GRIK4: variants seen among roughly 807,000 people sequenced by gnomAD.
GRIK4 encodes glutamate ionotropic receptor kainate type subunit 4.
GRIK4 carries 40 observed loss-of-function variants against 104.9 expected under a neutral mutation model. The ratio of observed to expected loss-of-function variants is 0.38; its 90% CI spans 0.30 to 0.50. GRIK4 has a LOEUF of 0.50. Among genes scored for constraint, GRIK4 ranks in the 20% least tolerant of loss-of-function variants. GRIK4 has a pLI of 0.93. For missense variants in GRIK4, 1,047 were observed against 1,308.1 expected, an observed-to-expected ratio of 0.80 and a Z score of 3.08; for synonymous variants, 485 against 524.9, an observed-to-expected ratio of 0.92 and a Z score of 1.04.
chr11:120,576,728 G>A (rs1240972265), intron 1 of GRIK4, among the ~76,000 whole-genome samples: 8 of 152,330 alleles, frequency 5.3e-5, no homozygotes, highest in Non-Finnish European at 1.2e-4. Flanking sequence ...GGGCCCAAGA[G>A]GTAACAAGGC....
intron 19 of GRIK4, among the ~76,000 whole-genome samples, chr11:120,969,363 G>A (rs953110578): frequency 5.3e-5 from 8 of 152,150 alleles, no homozygotes; most frequent in Non-Finnish European, 8.8e-5. Context: ...TGAATAGGTC[G>A]ACACCGTGGG....
intron 3 of GRIK4, among the ~76,000 whole-genome samples, chr11:120,795,412 C>T (rs1305739682): frequency 6.6e-6 from 1 of 152,198 alleles, no homozygotes; most frequent in East Asian, 1.9e-4. Context: ...ATCCCTGTGT[C>T]GTGGGGCTGC....
At chr11:120,760,824 A>G (rs1399429231) in intron 3 of GRIK4, among the ~76,000 whole-genome samples, 2 of 148,222 alleles carry the variant, frequency 1.3e-5, no homozygotes, top group South Asian at 2.1e-4. Context: ...TATGTGCCAC[A>G]TTTTTTTTTT....
chr11:120,528,633 G>T (rs771517975), intron 1 of GRIK4, among the ~76,000 whole-genome samples: 1 of 152,192 alleles, frequency 6.6e-6, no homozygotes, highest in Non-Finnish European at 1.5e-5. Flanking sequence ...ACAGTTCCAC[G>T]TGGCTGGGGA....
At chr11:120,648,621 C>G (rs902221531) in intron 1 of GRIK4, among the ~76,000 whole-genome samples, 3 of 152,072 alleles carry the variant, frequency 2.0e-5, no homozygotes. Context: ...AGAGAGGCCA[C>G]CAGAGACCTA....
At chr11:120,946,765 T>A (rs943689595) in intron 14 of GRIK4, among the ~76,000 whole-genome samples, 2 of 152,196 alleles carry the variant, frequency 1.3e-5, no homozygotes, top group African/African-American at 4.8e-5. Flanking sequence ...GCAGGGGGCA[T>A]TGAAACCAGG....
intron 16 of GRIK4, among the ~76,000 whole-genome samples, chr11:120,957,588 CAA>C (rs1190940888): frequency 1.6e-4 from 6 of 36,622 alleles, no homozygotes; most frequent in South Asian, 7.6e-4. Flanking sequence ...AAAGACAAAA[CAA>C]ATGTGTGTGT....
intron 2 of GRIK4, among the ~76,000 whole-genome samples, chr11:120,656,977 T>C (rs1949720829): frequency 6.6e-6 from 1 of 152,232 alleles, no homozygotes; most frequent in Non-Finnish European, 1.5e-5. Flanking sequence ...CAGGGTAATC[T>C]GACACCTATT....
chr11:120,871,888 T>C (rs1565406146), intron 9 of GRIK4: 1 of 456,274 alleles, frequency 2.2e-6, no homozygotes. Context: ...AGACAAACTT[T>C]GTTGACTGTT....
chr11:120,662,708 G>A (rs143665162), intron 3 of GRIK4, among the ~76,000 whole-genome samples: 413 of 152,224 alleles, frequency 2.7e-3, no homozygotes, highest in African/African-American at 9.2e-3. Flanking sequence ...GCCTTCCCAG[G>A]GGTCACTTTT....
chr11:120,832,582 T>TGGGG (rs1182041934), intron 7 of GRIK4, among the ~76,000 whole-genome samples: 1 of 152,138 alleles, frequency 6.6e-6, no homozygotes, highest in African/African-American at 2.4e-5. Flanking sequence ...ACTGAGACTC[T>TGGGG]GGGAGATGAA....
chr11:120,905,196 C>T lies in GRIK4; in HGVS notation c.1273-94C>T, dbSNP rs1159724861. The T allele has an allele frequency of 2.2e-6, 2 of 892,726 alleles. No individual in the cohort carries two copies. The highest frequency in any genetic ancestry group is 2.2e-4 in the Middle Eastern group (1 of 4,548). 55.3% of individuals were successfully genotyped at this position (892,726 alleles called of 1,614,324 possible). On this transcript the variant is annotated intron_variant, in intron 12 of 20. Coordinates refer to ENST00000527524, the MANE Select transcript of GRIK4 (RefSeq NM_014619.5). This position sits in a 1 kb window ranked among gnomAD's most constrained non-coding sequence, Gnocchi z 5.1. Reference sequence around the variant, plus strand: ...CAGTTTCCTCCTTCTGCCCCATGTCCTCCCCGACCCTCTGTGCCCCTGGCC... The same window carrying T: ...CAGTTTCCTCCTTCTGCCCCATGTCTTCCCCGACCCTCTGTGCCCCTGGCC...
chr11:120,904,714 T>C (rs1390495701), intron 12 of GRIK4, among the ~76,000 whole-genome samples: 6 of 152,184 alleles, frequency 3.9e-5, no homozygotes, highest in Non-Finnish European at 8.8e-5. Flanking sequence ...ATCATGCCCT[T>C]GATTGTGCCT....
Position 120,952,988 on chromosome 11 carries a change from T to G in GRIK4, c.1700+24T>G. 7.0e-7 allele frequency: 1 copy of G among 1,431,196 alleles called. No homozygotes were observed. The highest frequency in any genetic ancestry group is 9.8e-7 in the Non-Finnish European group (1 of 1,021,006). The allele number at this position is 1,431,196 out of a possible 1,614,324, so 88.7% of individuals were successfully genotyped here. A position where few individuals can be genotyped will look rare whatever the true frequency, so the allele number is the denominator to read the frequency against. ...CGGTACTCTCCTCTTCCCTTCCCTG[T>G]CCTTACACCGCCACCTCGTGTCCAC... On this transcript the variant is annotated intron_variant, in intron 15 of 20. Transcript: ENST00000527524. The surrounding 1 kb of genome is among the most constrained non-coding windows in gnomAD (Gnocchi z 5.2).
At chr11:120,539,597 A>G (rs1173113724) in intron 1 of GRIK4, among the ~76,000 whole-genome samples, 7 of 152,206 alleles carry the variant, frequency 4.6e-5, no homozygotes, top group Non-Finnish European at 8.8e-5. Flanking sequence ...AGGTTCAACA[A>G]ATCTTATTTG....
chr11:120,773,938 C>T (rs1313242202), intron 3 of GRIK4, among the ~76,000 whole-genome samples: 2 of 152,164 alleles, frequency 1.3e-5, no homozygotes, highest in Admixed American at 6.5e-5. Flanking sequence ...GTGAACAAAC[C>T]ATCTACCTTG....
At chr11:120,937,848 A>G (rs1008117095) in intron 13 of GRIK4, among the ~76,000 whole-genome samples, 6 of 152,224 alleles carry the variant, frequency 3.9e-5, no homozygotes, top group African/African-American at 9.6e-5. Context: ...GCCAACTTTT[A>G]TCGACTTGTA....
At chr11:120,663,405 T>G (rs1184754488) in intron 3 of GRIK4, among the ~76,000 whole-genome samples, 3 of 152,214 alleles carry the variant, frequency 2.0e-5, no homozygotes, top group South Asian at 2.1e-4. Flanking sequence ...TATCCTTGAC[T>G]CCTCTTCCAG....
chr11:120,713,921 G>A (rs1950783007), intron 3 of GRIK4, among the ~76,000 whole-genome samples: 1 of 152,186 alleles, frequency 6.6e-6, no homozygotes. Context: ...CCCATTGAGA[G>A]TCATGAATAG....
Sources: allele counts gnomAD v4.1 joint callset (sites outside exome capture counted in the v4.1 genomes callset), GRCh38; gene constraint gnomAD v4.1.1; non-coding constraint Gnocchi (gnomAD v3.1); transcripts MANE v1.5; gene names NCBI Gene and HGNC (gene_info 2026-07-23, HGNC 2026-07-21).